Variants in MGAT4C observed in about 807,000 individuals in gnomAD.
MGAT4C encodes the protein alpha-1,3-mannosyl-glycoprotein 4-beta-N-acetylglucosaminyltransferase C.
A neutral mutation model predicts 40.1 loss-of-function variants in MGAT4C; 19 were observed. That is an observed-to-expected ratio of 0.47 (90% CI 0.33 to 0.70). The LOEUF is 0.70. Among genes scored for constraint, MGAT4C ranks in the 30% least tolerant of loss-of-function variants. The pLI, the probability that MGAT4C is intolerant of heterozygous loss-of-function variation, is 0.02. For missense variants in MGAT4C, 491 were observed against 563.2 expected, an observed-to-expected ratio of 0.87 and a Z score of 1.30; for synonymous variants, 181 against 187.1, an observed-to-expected ratio of 0.97 and a Z score of 0.27.
At chr12:86,122,719 A>G (rs1293953587) in intron 1 of MGAT4C, among the ~76,000 whole-genome samples, 2 of 152,184 alleles carry the variant, frequency 1.3e-5, no homozygotes, top group Non-Finnish European at 2.9e-5. Context: ...AGGGATCAAC[A>G]AAACAATAAG....
chr12:86,627,124 C>A (rs1962835804), intron 2 of MGAT4C, among the ~76,000 whole-genome samples: 1 of 151,736 alleles, frequency 6.6e-6, no homozygotes, highest in African/African-American at 2.4e-5. Flanking sequence ...CTTGCTAGCT[C>A]AGCAGTCCAA....
intron 2 of MGAT4C, among the ~76,000 whole-genome samples, chr12:86,504,773 GC>G (rs1170869731): frequency 6.6e-6 from 1 of 151,946 alleles, no homozygotes; most frequent in East Asian, 1.9e-4. Context: ...TGCAACCTCC[GC>G]CTCCCGGGTT....
intron 2 of MGAT4C, among the ~76,000 whole-genome samples, chr12:86,482,584 T>C (rs1177401707): frequency 6.6e-6 from 1 of 152,082 alleles, no homozygotes; most frequent in Non-Finnish European, 1.5e-5. Flanking sequence ...ATTCCAACCT[T>C]ATTTATTCTC....
At chr12:86,077,276 G>A (rs1360832344) in intron 1 of MGAT4C, among the ~76,000 whole-genome samples, 1 of 152,060 alleles carries the variant, frequency 6.6e-6, no homozygotes, top group South Asian at 2.1e-4. Context: ...AAAATAATAA[G>A]TTCATAATAA....
At chr12:86,502,816 TATATATGTATACACGAGTTCTGCTCATA>T (rs1958379136) in intron 2 of MGAT4C, among the ~76,000 whole-genome samples, 1 of 114,554 alleles carries the variant, frequency 8.7e-6, no homozygotes, top group South Asian at 2.9e-4. Flanking sequence ...GTTCTGCTCA[TATATATGTATACACGAGTTCTGCTCATA>T]TATATATATG....
chr12:86,282,137 A>C (rs1213310664), intron 4 of MGAT4C, among the ~76,000 whole-genome samples: 1 of 152,114 alleles, frequency 6.6e-6, no homozygotes, highest in Non-Finnish European at 1.5e-5. Flanking sequence ...CAAATTGCAA[A>C]AAGATGTTTT....
chr12:86,481,066 A>C (rs570730441), intron 2 of MGAT4C, among the ~76,000 whole-genome samples: 1 of 152,172 alleles, frequency 6.6e-6, no homozygotes, highest in East Asian at 1.9e-4. Context: ...AGCAGTGATC[A>C]TAACAAACAT....
At chr12:86,104,161 G>T (rs925448489) in intron 1 of MGAT4C, among the ~76,000 whole-genome samples, 7 of 151,586 alleles carry the variant, frequency 4.6e-5, no homozygotes, top group Non-Finnish European at 1.0e-4. Context: ...TGTCTCTAAA[G>T]CCTGTAATCT....
Position 85,966,995 on chromosome 12 carries a change from T to G in MGAT4C, c.*12294A>C, listed in dbSNP as rs963675606. 3 of 152,032 alleles carry G rather than the reference T, an allele frequency of 2.0e-5. No homozygotes were observed. Among genetic ancestry groups the G allele is most frequent in the African/African-American group, 4.8e-5 (2 of 41,380 alleles). 9.4% of individuals were successfully genotyped at this position (152,032 alleles called of 1,614,324 possible). A position where few individuals can be genotyped will look rare whatever the true frequency, so the allele number is the denominator to read the frequency against. Reference sequence around the variant, plus strand: ...CACCAACATGGCACAGGTATACATATGTAACAAACCTGCAAGTTGTGCACA... The same window carrying G: ...CACCAACATGGCACAGGTATACATAGGTAACAAACCTGCAAGTTGTGCACA... On this transcript the variant is annotated 3_prime_UTR_variant, in exon 5 of 5. Coordinates refer to ENST00000611864, the MANE Select transcript of MGAT4C (RefSeq NM_001351288.2).
At chr12:86,480,916 G>A (rs1412938766) in intron 2 of MGAT4C, among the ~76,000 whole-genome samples, 6 of 151,162 alleles carry the variant, frequency 4.0e-5, no homozygotes, top group Non-Finnish European at 3.0e-5. Flanking sequence ...AATCACATCA[G>A]GACATTTTCC....
At chr12:86,511,897 G>C (rs936454694) in intron 2 of MGAT4C, among the ~76,000 whole-genome samples, 2 of 151,994 alleles carry the variant, frequency 1.3e-5, no homozygotes, top group African/African-American at 4.8e-5. Context: ...AACCAGTGGG[G>C]CTACATCAAA....
chr12:86,200,246 A>G (rs844433), intron 1 of MGAT4C, among the ~76,000 whole-genome samples: 126,479 of 150,170 alleles, frequency 0.84, 53,437 homozygotes, highest in East Asian at 1. Context: ...ATTGCATTGC[A>G]TTTTATGAAT....
chr12:85,987,189 T>G (rs1187996695), intron 3 of MGAT4C, among the ~76,000 whole-genome samples: 1 of 128,766 alleles, frequency 7.8e-6, no homozygotes, highest in Non-Finnish European at 1.6e-5. Context: ...CAGGCTGGAG[T>G]GCAGTGGCGG....
intron 3 of MGAT4C, among the ~76,000 whole-genome samples, chr12:86,358,037 C>T (rs1233824224): frequency 6.6e-6 from 1 of 152,000 alleles, no homozygotes; most frequent in East Asian, 1.9e-4. Flanking sequence ...TCAGATTCAC[C>T]AAAATTGAAA....
chr12:86,585,740 T>TA lies in MGAT4C; in HGVS notation c.-229+141468_-229+141469insT, dbSNP rs202116739. ...TCCATGTTTTATTTTTTTTAATTTT[T>TA]TTTTTAATTTTTCTTTTTTTTTTTC... On this transcript the variant is annotated intron_variant, in intron 2 of 7. Coordinates refer to the MGAT4C transcript ENST00000548651. 4.2e-4 allele frequency among the ~76,000 whole-genome samples: 63 copies of TA among 150,374 alleles called. 1 individual carries two copies. Among genetic ancestry groups the TA allele is most frequent in the African/African-American group, 1.4e-3 (58 of 41,274 alleles).
At chr12:86,052,286 T>C (rs991621782) in intron 1 of MGAT4C, among the ~76,000 whole-genome samples, 1 of 151,388 alleles carries the variant, frequency 6.6e-6, no homozygotes, top group Non-Finnish European at 1.5e-5. Flanking sequence ...GAAAGGTAAG[T>C]GACCAAGCCT....
chr12:86,189,049 AAAGTT>A (rs1889089844), intron 1 of MGAT4C, among the ~76,000 whole-genome samples: 1 of 151,938 alleles, frequency 6.6e-6, no homozygotes, highest in African/African-American at 2.4e-5. Context: ...CTTTCTCTGT[AAAGTT>A]AAGTCAAGCG....
chr12:86,413,511 T>C (rs1956646604), intron 3 of MGAT4C, among the ~76,000 whole-genome samples: 1 of 152,186 alleles, frequency 6.6e-6, no homozygotes, highest in Non-Finnish European at 1.5e-5. Context: ...GATCTGTTGC[T>C]CAAGATATAT....
intron 1 of MGAT4C, among the ~76,000 whole-genome samples, chr12:86,820,677 T>C (rs1020500876): frequency 7.3e-5 from 11 of 150,864 alleles, no homozygotes; most frequent in Non-Finnish European, 1.5e-4. Context: ...ACATAGATTT[T>C]TCAAAGGTTC....
Sources: gnomAD v4.1 joint callset for allele counts (sites outside exome capture counted in the v4.1 genomes callset) on GRCh38, gnomAD v4.1.1 for gene constraint, MANE v1.5 for transcripts, NCBI Gene and HGNC (gene_info 2026-07-23, HGNC 2026-07-21) for gene names.